Variants in SST observed in about 807,000 individuals in gnomAD.
SST encodes the protein growth hormone release-inhibiting factor.
Under a neutral mutation model 10.4 loss-of-function variants are expected in SST, and 7 were observed. The observed-to-expected ratio is 0.67, with a 90% CI of 0.38 to 1.26. The LOEUF (loss-of-function observed/expected upper bound fraction) is 1.26, where lower values mean the gene tolerates loss of function less well. Among genes scored for constraint, SST ranks in the 50% most tolerant of loss-of-function variants. SST has a pLI of 0.02. For missense variants in SST, 145 were observed against 140.8 expected, an observed-to-expected ratio of 1.03 and a Z score of -0.15; for synonymous variants, 63 against 63.9, an observed-to-expected ratio of 0.99 and a Z score of 0.07.
rs1413312311 is a variant in SST at position 187,670,164 on chromosome 3, G to T, written c.128C>A (p.Ala43Glu). The T allele has an allele frequency of 3.8e-6, 6 of 1,588,950 alleles. No homozygotes were observed. Among genetic ancestry groups the T allele is most frequent in the Admixed American group, 1.8e-5 (1 of 56,344 alleles). ...AGGGAGTCTCCTTACCTGCTTCCCC[G>T]CGGCAGCAGCCAGGGACTTCTGCAG... ...QFLQKSLAAA[A>E]GKQELAKYFL... The change falls in exon 1 of 2, where the codon GCG (alanine) becomes GAG (glutamate). Residue 43 changes from alanine to glutamate, a missense_variant. Transcript: ENST00000287641.
chr3:187,670,261 C>T lies in SST; in HGVS notation c.31G>A (p.Ala11Thr). 2 of 1,592,678 alleles carry T rather than the reference C, an allele frequency of 1.3e-6. No individual in the cohort carries two copies. The highest frequency in any genetic ancestry group is 1.8e-5 in the Admixed American group (1 of 56,640). Reference sequence around the variant, plus strand: ...AGGGCCAGGACGATGGACAGCGCAGCCAGCGCGCACTGGAGGCGGCAGGAC... The same window carrying T: ...AGGGCCAGGACGATGGACAGCGCAGTCAGCGCGCACTGGAGGCGGCAGGAC... MLSCRLQCAL[A>T]ALSIVLALGC... The change falls in exon 1 of 2, where the codon GCT becomes ACT. Residue 11 changes from alanine (A) to threonine (T), a missense_variant. Coordinates refer to ENST00000287641, the MANE Select transcript of SST (RefSeq NM_001048.4).
Position 187,670,253 on chromosome 3 carries a change from C to A in SST, c.39G>T (p.Leu13=), listed in dbSNP as rs748906395. 1.1e-5 allele frequency: 17 copies of A among 1,592,768 alleles called. No individual in the cohort carries two copies. Among genetic ancestry groups the A allele is most frequent in the Non-Finnish European group, 1.3e-5 (15 of 1,169,710 alleles). The change falls in exon 1 of 2, where the codon CTG becomes CTT. Residue 13 remains leucine (L), a synonymous_variant. Coordinates refer to ENST00000287641, the MANE Select transcript of SST (RefSeq NM_001048.4). The part of the protein sequence containing the change: ...SCRLQCALAA[L]SIVLALGCVT... ...CACAGCCCAGGGCCAGGACGATGGA[C>A]AGCGCAGCCAGCGCGCACTGGAGGC...
Position 187,670,206 on chromosome 3 carries a change from G to A in SST, c.86C>T (p.Pro29Leu). 2 of 1,595,436 alleles carry A rather than the reference G, an allele frequency of 1.3e-6. No homozygotes were observed. Among genetic ancestry groups the A allele is most frequent in the East Asian group, 2.3e-5 (1 of 43,950 alleles). ...CTTCTGCAGAAACTGACGGAGTCTG[G>A]GGTCCGAGGGAGCGCCGGTGACACA... ...LGCVTGAPSD[P>L]RLRQFLQKSL... Residue 29 changes from proline (P) to leucine (L), a missense_variant, in exon 1 of 2, where the codon CCC becomes CTC. Pro to Leu is a moderately conservative substitution (Grantham distance 98). Transcript: ENST00000287641.
intron 1 of SST, among the ~76,000 whole-genome samples, chr3:187,669,904 A>G (rs897667230): frequency 6.6e-6 from 1 of 152,100 alleles, no homozygotes; most frequent in African/African-American, 2.4e-5. Context: ...CAGATTTTGT[A>G]ATTTTCTTGA....
chr3:187,669,262 A>G lies in SST; in HGVS notation c.154T>C (p.Phe52Leu), dbSNP rs1386131364. Residue 52 changes from phenylalanine to leucine, a missense_variant, in exon 2 of 2, where the codon TTC becomes CTC. Transcript: ENST00000287641. Reference protein sequence around the residue: ...AAGKQELAKYFLAELLSEPNQ... With the variant: ...AAGKQELAKYLLAELLSEPNQ... ...GGTTCAGACAGCAGCTCTGCCAAGA[A>G]GTACTTGGCCAGTTCCTGTATAGGG... 1.2e-6 allele frequency: 2 copies of G among 1,613,822 alleles called. No individual in the cohort carries two copies. Among genetic ancestry groups the G allele is most frequent in the African/African-American group, 1.3e-5 (1 of 74,878 alleles).
rs376379180 is a variant in SST at position 187,669,195 on chromosome 3, G to A, written c.221C>T (p.Ser74Phe). ...ENDALEPEDLSQAAEQDEMRL... is the reference protein window; with the variant it reads ...ENDALEPEDLFQAAEQDEMRL... ...CATTTCATCCTGCTCAGCAGCCTGG[G>A]ACAGATCTTCAGGTTCCAGGGCATC... Residue 74 changes from serine (S) to phenylalanine (F), a missense_variant, in exon 2 of 2, where the codon TCC becomes TTC. Coordinates refer to ENST00000287641, the MANE Select transcript of SST (RefSeq NM_001048.4). The A allele has an allele frequency of 1.7e-5, 28 of 1,613,918 alleles. No individual in the cohort carries two copies. Among genetic ancestry groups the A allele is most frequent in the Non-Finnish European group, 2.1e-5 (25 of 1,180,042 alleles).
chr3:187,669,276 T>C lies in SST; in HGVS notation c.140A>G (p.Glu47Gly), dbSNP rs1366311497. 2 of 1,613,500 alleles carry C rather than the reference T, an allele frequency of 1.2e-6. No homozygotes were observed. Among genetic ancestry groups the C allele is most frequent in the South Asian group, 2.2e-5 (2 of 91,054 alleles). ...KSLAAAAGKQ[E>G]LAKYFLAELL... ...CTCTGCCAAGAAGTACTTGGCCAGT[T>C]CCTGTATAGGGCAGAAGGGATAGAA... Residue 47 changes from glutamate to glycine, a missense_variant and splice_region_variant, in exon 2 of 2, where the codon GAA becomes GGA. Transcript: ENST00000287641.
In SST at chr3:187,669,106, C is replaced by T. The variant is rs778060901; in HGVS notation, c.310G>A (p.Gly104Ser). The change falls in exon 2 of 2, where the codon GGC (glycine) becomes AGC (serine). Residue 104 changes from glycine to serine, a missense_variant. By Grantham distance (56) the Gly-to-Ser change is moderately conservative (BLOSUM62 0). Transcript: ENST00000287641. ...PAMAPRERKA[G>S]CKNFFWKTFT... Reference sequence around the variant, plus strand: ...GTCTTCCAGAAGAAATTCTTGCAGCCAGCTTTGCGTTCTCGGGGTGCCATA... The same window carrying T: ...GTCTTCCAGAAGAAATTCTTGCAGCTAGCTTTGCGTTCTCGGGGTGCCATA... The T allele has an allele frequency of 4.3e-6, 7 of 1,613,758 alleles. No individual in the cohort carries two copies. In the South Asian group the frequency reaches 7.7e-5, roughly 18 times the overall value.
intron 1 of SST, among the ~76,000 whole-genome samples, 187 bp from the exon 2 acceptor site, chr3:187,669,464 C>G (rs1717184574): frequency 6.6e-6 from 1 of 151,778 alleles, no homozygotes; most frequent in African/African-American, 2.4e-5. Flanking sequence ...GCTATAATTA[C>G]CAAGTTACAC....
chr3:187,669,323 G>A, intron 1 of SST, 46 bp from the exon 2 acceptor site: 1 of 1,565,700 alleles, frequency 6.4e-7, no homozygotes, highest in Non-Finnish European at 8.7e-7. Flanking sequence ...GAGAAGTGGG[G>A]AGGACAATGG....
intron 1 of SST, among the ~76,000 whole-genome samples, chr3:187,669,630 T>C (rs150962126): frequency 6.6e-6 from 1 of 152,088 alleles, no homozygotes; most frequent in East Asian, 1.9e-4. Context: ...AACAGTTTAA[T>C]TCAATTTTCA....
At chr3:187,669,377 C>G in intron 1 of SST, 100 bp from the exon 2 acceptor site, 1 of 1,172,054 alleles carries the variant, frequency 8.5e-7, no homozygotes, top group Non-Finnish European at 1.2e-6. Context: ...TTTGGTCACA[C>G]ACAAAATCCA....
intron 1 of SST, among the ~76,000 whole-genome samples, chr3:187,669,490 G>C (rs1012876338): frequency 2.0e-5 from 3 of 151,634 alleles, no homozygotes; most frequent in African/African-American, 4.9e-5. Context: ...GGCTTTAAGA[G>C]CTCAAATGTT....
At chr3:187,669,504 G>T (rs1231281011) in intron 1 of SST, among the ~76,000 whole-genome samples, 1 of 151,020 alleles carries the variant, frequency 6.6e-6, no homozygotes, top group Non-Finnish European at 1.5e-5. Flanking sequence ...AAATGTTTCT[G>T]CAACCTTTCT....
Position 187,669,027 on chromosome 3 carries a change from G to A in SST, c.*38C>T. The stretch of plus-strand genomic sequence containing the variant: ...AGAGAGATGGGGTGTGGGGGCGAGG[G>A]ATCAGAGGTCTGATATGGACAATAC... On this transcript the variant is annotated 3_prime_UTR_variant, in exon 2 of 2. Transcript: ENST00000287641. The A allele has an allele frequency of 1.3e-6, 2 of 1,591,042 alleles. No homozygotes were observed. The highest frequency in any genetic ancestry group is 2.2e-5 in the South Asian group (2 of 90,650).
rs1286744187 is a variant in SST at position 187,669,035 on chromosome 3, G to A, written c.*30C>T. On this transcript the variant is annotated 3_prime_UTR_variant, in exon 2 of 2. Coordinates refer to ENST00000287641, the MANE Select transcript of SST (RefSeq NM_001048.4). ...GGGGTGTGGGGGCGAGGGATCAGAG[G>A]TCTGATATGGACAATACTAGTTAAG... 6.2e-7 allele frequency: 1 copy of A among 1,604,116 alleles called. No homozygotes were observed. Among genetic ancestry groups the A allele is most frequent in the Non-Finnish European group, 8.5e-7 (1 of 1,170,962 alleles).
At position 187,670,232 on chromosome 3, in the gene SST, G is replaced by T; in HGVS notation, c.60C>A (p.Gly20=). 6 of 1,596,082 alleles carry T rather than the reference G, an allele frequency of 3.8e-6. No individual in the cohort carries two copies. Among genetic ancestry groups the T allele is most frequent in the Non-Finnish European group, 5.1e-6 (6 of 1,171,514 alleles). The change falls in exon 1 of 2, where the codon GGC becomes GGA. Residue 20 remains glycine, a synonymous_variant. Transcript: ENST00000287641. ...LAALSIVLAL[G]CVTGAPSDPR... ...GGTCCGAGGGAGCGCCGGTGACACA[G>T]CCCAGGGCCAGGACGATGGACAGCG...
At chr3:187,669,807 G>A (rs1717195186) in intron 1 of SST, among the ~76,000 whole-genome samples, 1 of 152,174 alleles carries the variant, frequency 6.6e-6, no homozygotes, top group South Asian at 2.1e-4. Flanking sequence ...CAGCTTCAGA[G>A]GTCTGCGTTT....
rs1717183123 is a variant in SST at position 187,669,388 on chromosome 3, G to A, written c.139-111C>T. ...CAGATTTGGTCACACACAAAATCCA[G>A]TTTTTACAGCTGCGCATTTTTTGTC... On this transcript the variant is annotated intron_variant, in intron 1 of 1. Transcript: ENST00000287641. The A allele has an allele frequency of 4.9e-6, 5 of 1,011,768 alleles. No individual in the cohort carries two copies. The East Asian group carries it at 7.2e-5, about 15-fold the overall frequency. The allele number at this position is 1,011,768 out of a possible 1,614,324, so 62.7% of individuals were successfully genotyped here.
Sources: allele counts gnomAD v4.1 joint callset (sites outside exome capture counted in the v4.1 genomes callset), GRCh38; gene constraint gnomAD v4.1.1; transcripts MANE v1.5; gene names NCBI Gene and HGNC (gene_info 2026-07-23, HGNC 2026-07-21).